The following PEAK1 variants were observed in gnomAD, a reference collection of about 807,000 sequenced individuals.
PEAK1 encodes the protein inactive tyrosine-protein kinase PEAK1.
In PEAK1, 54 loss-of-function variants were observed where a neutral mutation model predicts 124.7. That is an observed-to-expected ratio of 0.43 (90% CI 0.35 to 0.54). PEAK1 has a LOEUF of 0.54. Among genes scored for constraint, PEAK1 ranks in the 20% least tolerant of loss-of-function variants. The probability of loss-of-function intolerance (pLI) is 0.01; values close to 1 mark genes in which losing one functional copy is unlikely to be tolerated. For synonymous variants in PEAK1, 719 were observed against 760.0 expected (o/e 0.95, Z 0.89); for missense variants, 2,046 against 2,134.5 (o/e 0.96, Z 0.82).
chr15:77,142,087 T>C (rs1460406365), intron 8 of PEAK1, among the ~76,000 whole-genome samples: 2 of 152,190 alleles, frequency 1.3e-5, no homozygotes, highest in Non-Finnish European at 2.9e-5. Context: ...TCAAATTACA[T>C]ATCTGATAAG....
At chr15:77,336,407 C>T in intron 2 of PEAK1, 1 of 985,394 alleles carries the variant, frequency 1.0e-6, no homozygotes, top group Non-Finnish European at 1.2e-6. Context: ...ACTCAGGAGT[C>T]CCTTCTGAGT....
chr15:77,235,054 A>G (rs1374018287), intron 6 of PEAK1, among the ~76,000 whole-genome samples: 1 of 151,954 alleles, frequency 6.6e-6, no homozygotes, highest in African/African-American at 2.4e-5. Flanking sequence ...CTTCCCCTTC[A>G]CCTTCCACCA....
At chr15:77,233,870 T>C (rs978746427) in intron 6 of PEAK1, among the ~76,000 whole-genome samples, 1 of 152,214 alleles carries the variant, frequency 6.6e-6, no homozygotes, top group Non-Finnish European at 1.5e-5. Flanking sequence ...ATTAAACCTC[T>C]CTTTTTTTTG....
chr15:77,271,222 C>A (rs867395234), intron 5 of PEAK1, among the ~76,000 whole-genome samples: 1 of 152,092 alleles, frequency 6.6e-6, no homozygotes, highest in African/African-American at 2.4e-5. Context: ...AAAACTAAAC[C>A]GCAATGAGAT....
intron 6 of PEAK1, among the ~76,000 whole-genome samples, chr15:77,188,216 A>AAAGG (rs2057647795): frequency 6.6e-6 from 1 of 152,196 alleles, no homozygotes; most frequent in South Asian, 2.1e-4. Context: ...ACCAAAGTAA[A>AAAGG]ATCTGCTTAA....
chr15:77,332,524 C>T (rs986634830), intron 2 of PEAK1, among the ~76,000 whole-genome samples: 2 of 151,842 alleles, frequency 1.3e-5, no homozygotes, highest in African/African-American at 4.8e-5. Flanking sequence ...GGCATGAACC[C>T]GGGAGGCGGA....
rs1417346700 is a variant in PEAK1 at position 77,324,317 on chromosome 15, T to G, written c.-602-37813A>C. On this transcript the variant is annotated intron_variant, in intron 2 of 9. Coordinates refer to ENST00000682557, the MANE Select transcript of PEAK1 (RefSeq NM_001385026.1). The stretch of plus-strand genomic sequence containing the variant: ...CACATGGTGAAACCCCCATCTCTAC[T>G]AAAAATACAAAAAATTAGCTGGGCA... Among the ~76,000 whole-genome samples, 12 of 152,062 alleles carry G rather than the reference T, an allele frequency of 7.9e-5. No homozygotes were observed. In the East Asian group the frequency reaches 1.7e-3, roughly 22 times the overall value.
At chr15:77,201,368 C>T (rs754533460) in intron 6 of PEAK1, among the ~76,000 whole-genome samples, 1 of 151,218 alleles carries the variant, frequency 6.6e-6, no homozygotes, top group African/African-American at 2.4e-5. Flanking sequence ...CTCCCGAGTA[C>T]CTGGGACTAC....
At chr15:77,289,762 G>A (rs1052119329) in intron 2 of PEAK1, among the ~76,000 whole-genome samples, 7 of 152,008 alleles carry the variant, frequency 4.6e-5, no homozygotes, top group Non-Finnish European at 7.4e-5. Context: ...GCTTGAACCC[G>A]GGAGGCGAAG....
At chr15:77,410,922 T>A (rs1488429995) in intron 1 of PEAK1, among the ~76,000 whole-genome samples, 1 of 152,122 alleles carries the variant, frequency 6.6e-6, no homozygotes, top group African/African-American at 2.4e-5. Flanking sequence ...ACTAGATAGG[T>A]GCTATTTGCC....
At chr15:77,258,290 G>T (rs1237408710) in intron 5 of PEAK1, among the ~76,000 whole-genome samples, 1 of 152,112 alleles carries the variant, frequency 6.6e-6, no homozygotes, top group Non-Finnish European at 1.5e-5. Context: ...TGATGGGGAT[G>T]GCATTGAATC....
intron 5 of PEAK1, among the ~76,000 whole-genome samples, chr15:77,273,561 T>C (rs906288159): frequency 2.6e-5 from 4 of 151,972 alleles, no homozygotes; most frequent in African/African-American, 9.7e-5. Context: ...AGGAATATAC[T>C]TAACCAAGAG....
intron 5 of PEAK1, among the ~76,000 whole-genome samples, chr15:77,268,759 G>A (rs1424509313): frequency 6.6e-6 from 1 of 152,080 alleles, no homozygotes; most frequent in South Asian, 2.1e-4. Flanking sequence ...TAACAGCTGT[G>A]AGGCAAAAGT....
chr15:77,363,320 C>CA (rs1220246943), intron 2 of PEAK1, among the ~76,000 whole-genome samples: 1 of 152,140 alleles, frequency 6.6e-6, no homozygotes, highest in Admixed American at 6.5e-5. Flanking sequence ...TGCTCTTTAC[C>CA]GTATCTACAT....
chr15:77,210,479 C>A (rs1309093312), intron 6 of PEAK1, among the ~76,000 whole-genome samples: 1 of 152,186 alleles, frequency 6.6e-6, no homozygotes, highest in Non-Finnish European at 1.5e-5. Context: ...TAGATTACCT[C>A]CATATCCTTC....
intron 2 of PEAK1, among the ~76,000 whole-genome samples, chr15:77,319,156 A>G (rs2065048772): frequency 6.6e-6 from 1 of 152,168 alleles, no homozygotes. Flanking sequence ...TACCTTTTAA[A>G]CTATTCTTAC....
intron 7 of PEAK1, among the ~76,000 whole-genome samples, chr15:77,172,276 G>A (rs1238743914): frequency 6.6e-6 from 1 of 152,160 alleles, no homozygotes; most frequent in African/African-American, 2.4e-5. Flanking sequence ...AGTTAATGCA[G>A]ATCCTCTAAA....
At chr15:77,244,576 T>C (rs144717599) in intron 6 of PEAK1, among the ~76,000 whole-genome samples, 4 of 151,910 alleles carry the variant, frequency 2.6e-5, no homozygotes, top group African/African-American at 9.6e-5. Context: ...TATGATTTCC[T>C]CAAGGGACTT....
intron 5 of PEAK1, chr15:77,255,677 A>G (rs2061092599): frequency 6.6e-6 from 1 of 152,212 alleles, no homozygotes. Context: ...ATACACCTTA[A>G]GGAGGAAGGA....
Sources: gnomAD v4.1 joint callset for allele counts (sites outside exome capture counted in the v4.1 genomes callset) on GRCh38, gnomAD v4.1.1 for gene constraint, MANE v1.5 for transcripts, NCBI Gene and HGNC (gene_info 2026-07-23, HGNC 2026-07-21) for gene names.